Variants in RGS7 observed in about 807,000 individuals in gnomAD.
RGS7 encodes the protein regulator of G-protein signaling 7.
Under a neutral mutation model 81.1 loss-of-function variants are expected in RGS7, and 27 were observed. The ratio of observed to expected loss-of-function variants is 0.33; its 90% CI spans 0.25 to 0.46. The LOEUF (loss-of-function observed/expected upper bound fraction) is 0.46, where lower values mean the gene tolerates loss of function less well. RGS7 is among the 20% of genes least tolerant of loss of function. The pLI is 1.00. For missense variants in RGS7, 396 were observed against 607.4 expected (o/e 0.65, Z 3.66); for synonymous variants, 208 against 207.7 (o/e 1.00, Z -0.01).
At chr1:240,846,254 A>G (rs994606066) in intron 9 of RGS7, among the ~76,000 whole-genome samples, 2 of 152,184 alleles carry the variant, frequency 1.3e-5, no homozygotes, top group Admixed American at 6.5e-5. Context: ...TGTTCATCTC[A>G]AAAGTTTTTT....
At chr1:241,161,739 A>G (rs1354947020) in intron 2 of RGS7, among the ~76,000 whole-genome samples, 1 of 138,406 alleles carries the variant, frequency 7.2e-6, no homozygotes, top group Non-Finnish European at 1.5e-5. Context: ...TTTTTTTGAG[A>G]CAGAGTCTCA....
In RGS7 at chr1:240,781,344, G is replaced by C. The variant is rs185557486; in HGVS notation, c.*7-5131C>G. On this transcript the variant is annotated intron_variant, in intron 18 of 18. Transcript: ENST00000440928. ...GTGTGGACCAGGCGAGGTGGCTCAG[G>C]CCTGTAACCCCCGCACTTTGGGAGG... 5.9e-5 allele frequency among the ~76,000 whole-genome samples: 9 copies of C among 152,334 alleles called. No individual in the cohort carries two copies. In the East Asian group the frequency reaches 1.5e-3, roughly 26 times the overall value.
chr1:240,969,644 G>A (rs1433256173), intron 4 of RGS7, among the ~76,000 whole-genome samples: 1 of 152,204 alleles, frequency 6.6e-6, no homozygotes, highest in African/African-American at 2.4e-5. Flanking sequence ...AGATAAAAAT[G>A]AGAGAGGTCA....
At chr1:241,058,285 C>T (rs1352682889) in intron 3 of RGS7, among the ~76,000 whole-genome samples, 1 of 152,198 alleles carries the variant, frequency 6.6e-6, no homozygotes, top group Non-Finnish European at 1.5e-5. Flanking sequence ...AAACACACTG[C>T]CCATGCTCAC....
chr1:240,960,552 T>C (rs1199042718), intron 4 of RGS7, among the ~76,000 whole-genome samples: 2 of 149,270 alleles, frequency 1.3e-5, no homozygotes, highest in Non-Finnish European at 3.0e-5. Context: ...TGTTCTTTTT[T>C]TTTTTTTTTT....
intron 4 of RGS7, among the ~76,000 whole-genome samples, chr1:240,962,132 C>A (rs891869314): frequency 1.5e-4 from 23 of 152,116 alleles, no homozygotes; most frequent in African/African-American, 5.6e-4. Context: ...TTGTCTTCTT[C>A]CGGCAGAAGT....
chr1:241,232,796 C>T (rs550886598), intron 2 of RGS7, among the ~76,000 whole-genome samples: 1 of 152,150 alleles, frequency 6.6e-6, no homozygotes, highest in East Asian at 1.9e-4. Flanking sequence ...AATGTCTCTC[C>T]ATTTCTGTAG....
At chr1:241,016,478 A>C (rs1385405545) in intron 3 of RGS7, among the ~76,000 whole-genome samples, 3 of 152,244 alleles carry the variant, frequency 2.0e-5, no homozygotes, top group Non-Finnish European at 4.4e-5. Context: ...AGATTGTGCC[A>C]CTGCACTCTA....
At chr1:241,278,054 T>TTC (rs1041610425) in intron 2 of RGS7, among the ~76,000 whole-genome samples, 10 of 152,358 alleles carry the variant, frequency 6.6e-5, no homozygotes, top group African/African-American at 2.4e-4. Flanking sequence ...TTGCCCGCTG[T>TTC]TCTCAGTGCC....
At chr1:241,183,479 A>T (rs905918210) in intron 2 of RGS7, among the ~76,000 whole-genome samples, 4 of 152,212 alleles carry the variant, frequency 2.6e-5, no homozygotes, top group Non-Finnish European at 4.4e-5. Flanking sequence ...CTCGCAGCTG[A>T]CATTTCCCCT....
At chr1:240,797,064 T>A (rs1687190258) in intron 18 of RGS7, among the ~76,000 whole-genome samples, 1 of 152,180 alleles carries the variant, frequency 6.6e-6, no homozygotes, top group Non-Finnish European at 1.5e-5. Context: ...CTGATTTAAT[T>A]TCCACTTCAC....
chr1:241,160,720 G>A (rs755423127), intron 2 of RGS7, among the ~76,000 whole-genome samples: 1 of 152,140 alleles, frequency 6.6e-6, no homozygotes, highest in Admixed American at 6.5e-5. Flanking sequence ...AATTCAAATG[G>A]CGATTCGCCA....
intron 2 of RGS7, among the ~76,000 whole-genome samples, chr1:241,316,012 C>T (rs1286737035): frequency 2.0e-5 from 3 of 152,146 alleles, no homozygotes; most frequent in Non-Finnish European, 2.9e-5. Context: ...TTGATCTGCA[C>T]GTGGTACAGA....
chr1:241,258,137 T>C (rs2077136562), intron 2 of RGS7, among the ~76,000 whole-genome samples: 2 of 152,326 alleles, frequency 1.3e-5, no homozygotes, highest in Middle Eastern at 6.8e-3. Flanking sequence ...TATTTCTTTT[T>C]TTATTTCATC....
At chr1:241,121,886 T>C (rs2066289143) in intron 2 of RGS7, among the ~76,000 whole-genome samples, 2 of 151,890 alleles carry the variant, frequency 1.3e-5, no homozygotes, top group Admixed American at 1.3e-4. Context: ...TTTTAAATTT[T>C]TTGTAGAGAT....
At chr1:240,783,549 G>A (rs890490269) in intron 18 of RGS7, among the ~76,000 whole-genome samples, 7 of 151,872 alleles carry the variant, frequency 4.6e-5, no homozygotes, top group African/African-American at 1.7e-4. Flanking sequence ...TTTGAACCCA[G>A]GAGACAGAGG....
chr1:241,205,458 G>A (rs1290678695), intron 2 of RGS7, among the ~76,000 whole-genome samples: 1 of 151,468 alleles, frequency 6.6e-6, no homozygotes, highest in Non-Finnish European at 1.5e-5. Context: ...AGCATTTGTA[G>A]GATATACTTT....
chr1:241,188,312 CAA>C (rs1287211338), intron 2 of RGS7, among the ~76,000 whole-genome samples: 43 of 100,214 alleles, frequency 4.3e-4, no homozygotes, highest in African/African-American at 1.1e-3. Context: ...CACACACACA[CAA>C]AAAGAGACAG....
At chr1:241,052,648 G>C (rs912438104) in intron 3 of RGS7, among the ~76,000 whole-genome samples, 4 of 152,092 alleles carry the variant, frequency 2.6e-5, no homozygotes, top group African/African-American at 9.7e-5. Context: ...AAAATTTTCT[G>C]AGTTGATTTG....
Sources: gnomAD v4.1 joint callset for allele counts (sites outside exome capture counted in the v4.1 genomes callset) on GRCh38, gnomAD v4.1.1 for gene constraint, MANE v1.5 for transcripts, NCBI Gene and HGNC (gene_info 2026-07-23, HGNC 2026-07-21) for gene names.